Variants in CACNA2D2 observed in about 807,000 individuals in gnomAD.
CACNA2D2 encodes calcium voltage-gated channel auxiliary subunit alpha2delta 2, also known as voltage-dependent calcium channel subunit alpha-2/delta-2.
A neutral mutation model predicts 166.4 loss-of-function variants in CACNA2D2; 48 were observed. That is an observed-to-expected ratio of 0.29 (90% CI 0.23 to 0.37). The LOEUF (loss-of-function observed/expected upper bound fraction) is 0.37, where lower values mean the gene tolerates loss of function less well. Among genes scored for constraint, CACNA2D2 ranks in the 10% least tolerant of loss-of-function variants. The pLI is 1.00. For synonymous variants in CACNA2D2, 561 were observed against 573.7 expected, an observed-to-expected ratio of 0.98 and a Z score of 0.32; for missense variants, 1,122 against 1,433.0, an observed-to-expected ratio of 0.78 and a Z score of 3.50.
rs775071397 is a variant in CACNA2D2, at chr3:50,367,743, C to T, written c.2235-39G>A. On this transcript the variant is annotated intron_variant, in intron 25 of 37. Coordinates refer to ENST00000424201, the MANE Select transcript of CACNA2D2 (RefSeq NM_006030.4). This position sits in a 1 kb window ranked among gnomAD's most constrained non-coding sequence, Gnocchi z 6.5. Reference sequence around the variant, plus strand: ...GGGGGTGGGGTCACAGGCCTGCCTTCTGCTGGGCAGGTCCAGGGCCTCTGG... The same window carrying T: ...GGGGGTGGGGTCACAGGCCTGCCTTTTGCTGGGCAGGTCCAGGGCCTCTGG... 1.7e-5 allele frequency: 28 copies of T among 1,611,640 alleles called. No individual in the cohort carries two copies. The highest frequency in any genetic ancestry group is 3.3e-5 in the Admixed American group (2 of 59,938).
Position 50,380,891 on chromosome 3 carries a change from A to G in CACNA2D2, c.785-86T>C. 1 of 1,541,248 alleles carries G rather than the reference A, an allele frequency of 6.5e-7. No homozygotes were observed. The stretch of plus-strand genomic sequence containing the variant: ...CTTGCAGAGGCGACTGGGCTGCCAC[A>G]GACTACAGAGAAGCCACCCCGCCCC... On this transcript the variant is annotated intron_variant, in intron 7 of 37. Coordinates refer to ENST00000424201, the MANE Select transcript of CACNA2D2 (RefSeq NM_006030.4). The surrounding 1 kb of genome is among the most constrained non-coding windows in gnomAD (Gnocchi z 4.9).
At chr3:50,443,930 C>G (rs1236101683) in intron 2 of CACNA2D2, among the ~76,000 whole-genome samples, 1 of 152,146 alleles carries the variant, frequency 6.6e-6, no homozygotes, top group Admixed American at 6.5e-5. Context: ...TGGGTTTCAA[C>G]GGGTCATGGA....
chr3:50,500,693 G>A (rs1698926769), intron 1 of CACNA2D2, among the ~76,000 whole-genome samples: 1 of 152,004 alleles, frequency 6.6e-6, no homozygotes, highest in African/African-American at 2.4e-5. Flanking sequence ...CAAACATGTA[G>A]CCTCCTCCTT....
At chr3:50,417,635 G>GCCT (rs201351342) in intron 3 of CACNA2D2, among the ~76,000 whole-genome samples, 12 of 152,128 alleles carry the variant, frequency 7.9e-5, no homozygotes, top group South Asian at 2.1e-4. Flanking sequence ...AGGAAGGCAT[G>GCCT]CCTCCTCCTC....
chr3:50,421,881 G>A (rs1456505942), intron 3 of CACNA2D2, among the ~76,000 whole-genome samples: 1 of 152,056 alleles, frequency 6.6e-6, no homozygotes, highest in Non-Finnish European at 1.5e-5. Flanking sequence ...GCTCACTGAT[G>A]CACCCCACCA....
At chr3:50,464,826 G>A (rs1231640879) in intron 2 of CACNA2D2, among the ~76,000 whole-genome samples, 1 of 152,202 alleles carries the variant, frequency 6.6e-6, no homozygotes, top group Non-Finnish European at 1.5e-5. Flanking sequence ...CTCCTCGAAG[G>A]GAAAATACCT....
intron 1 of CACNA2D2, among the ~76,000 whole-genome samples, chr3:50,499,242 T>C (rs1358351958): frequency 6.6e-6 from 1 of 152,066 alleles, no homozygotes; most frequent in Non-Finnish European, 1.5e-5. Flanking sequence ...GATCTAAACC[T>C]GAGAAAAGAG....
chr3:50,450,107 A>T (rs886115185), intron 2 of CACNA2D2, among the ~76,000 whole-genome samples: 1 of 152,214 alleles, frequency 6.6e-6, no homozygotes, highest in Non-Finnish European at 1.5e-5. Flanking sequence ...CTCTCAGTGG[A>T]GACTTAGGCC....
chr3:50,373,718 G>A (rs907282619), intron 22 of CACNA2D2, among the ~76,000 whole-genome samples: 1 of 141,592 alleles, frequency 7.1e-6, no homozygotes, highest in African/African-American at 2.7e-5. Flanking sequence ...GGAGATGCAG[G>A]GAGAAGAGGA....
chr3:50,470,610 G>C lies in CACNA2D2; in HGVS notation c.288+5508C>G, dbSNP rs1710035093. 8.7e-5 allele frequency among the ~76,000 whole-genome samples: 10 copies of C among 115,100 alleles called. No individual in the cohort carries two copies. In the South Asian group the frequency reaches 3.1e-3, roughly 36 times the overall value. The allele number at this position is 115,100 out of a possible 152,430, so 75.5% of individuals were successfully genotyped here. A position where few individuals can be genotyped will look rare whatever the true frequency, so the allele number is the denominator to read the frequency against. On this transcript the variant is annotated intron_variant, in intron 2 of 37. Coordinates refer to ENST00000424201, the MANE Select transcript of CACNA2D2 (RefSeq NM_006030.4). ...ATGGGGGGAGGGGGCGGGGGGGGGGGGTGGTGGTCAAGATGGCAACAGCCA... is the reference window on the plus strand; with the variant it reads ...ATGGGGGGAGGGGGCGGGGGGGGGGCGTGGTGGTCAAGATGGCAACAGCCA...
chr3:50,371,907 C>CA lies in CACNA2D2; in HGVS notation c.1985-1528dup, dbSNP rs3216199. ...GTGGGGAGAAAAAGACAACTCAAGC[C>CA]AGTGGGAGTAGGGCACATCCCCCAC... On this transcript the variant is annotated intron_variant, in intron 22 of 37. Coordinates refer to ENST00000424201, the MANE Select transcript of CACNA2D2 (RefSeq NM_006030.4). Among the ~76,000 whole-genome samples the CA allele has an allele frequency of 0.053, 8,100 of 152,054 alleles. 1,534 individuals are homozygous for CA. In the East Asian group the frequency reaches 0.6, roughly 11 times the overall value.
At chr3:50,454,167 C>A (rs1348322543) in intron 2 of CACNA2D2, among the ~76,000 whole-genome samples, 1 of 152,236 alleles carries the variant, frequency 6.6e-6, no homozygotes. Context: ...CCAGAGCTGC[C>A]CCTCAGCCAG....
intron 3 of CACNA2D2, among the ~76,000 whole-genome samples, chr3:50,432,954 G>A (rs1457797652): frequency 6.6e-6 from 1 of 152,262 alleles, no homozygotes; most frequent in African/African-American, 2.4e-5. Context: ...ACCCTGGCCT[G>A]AGCCTGGGCA....
Position 50,380,732 on chromosome 3 carries a change from C to T in CACNA2D2, c.842+16G>A. The T allele has an allele frequency of 1.3e-6, 2 of 1,513,762 alleles. No homozygotes were observed. Among genetic ancestry groups the T allele is most frequent in the Non-Finnish European group, 8.8e-7 (1 of 1,130,426 alleles). The allele number at this position is 1,513,762 out of a possible 1,614,324, so 93.8% of individuals were successfully genotyped here. The stretch of plus-strand genomic sequence containing the variant: ...CTGAGGGGGTGTCCCTCCCCAGCCC[C>T]TTCTTGCTCGCTCACCAGGGTCTCC... On this transcript the variant is annotated intron_variant, in intron 8 of 37. Coordinates refer to ENST00000424201, the MANE Select transcript of CACNA2D2 (RefSeq NM_006030.4). This position sits in a 1 kb window ranked among gnomAD's most constrained non-coding sequence, Gnocchi z 4.9.
At chr3:50,433,416 G>A (rs1399435361) in intron 3 of CACNA2D2, among the ~76,000 whole-genome samples, 1 of 151,970 alleles carries the variant, frequency 6.6e-6, no homozygotes, top group African/African-American at 2.4e-5. Context: ...CTGGAGTGCA[G>A]TGGCATGATC....
chr3:50,433,189 G>C (rs1708150440), intron 3 of CACNA2D2, among the ~76,000 whole-genome samples: 2 of 152,128 alleles, frequency 1.3e-5, no homozygotes, highest in South Asian at 4.1e-4. Flanking sequence ...AGGCACCCAT[G>C]CATCTACTTT....
intron 1 of CACNA2D2, among the ~76,000 whole-genome samples, chr3:50,489,477 G>A (rs1051810583): frequency 6.6e-6 from 1 of 152,294 alleles, no homozygotes; most frequent in South Asian, 2.1e-4. Context: ...GGGGCTATGG[G>A]GCGCCAGACA....
In CACNA2D2 at chr3:50,379,085, G is replaced by A. The variant is rs774988895; in HGVS notation, c.1260+7C>T. On this transcript the variant is annotated splice_region_variant and intron_variant, in intron 12 of 37. Transcript: ENST00000424201. The surrounding 1 kb of genome is among the most constrained non-coding windows in gnomAD (Gnocchi z 6.5). Reference sequence around the variant, plus strand: ...TCAGGGTAGCCCCTGCCTCGGTTGAGCCTCACCGTCCGGTTTGGCCAATTG... The same window carrying A: ...TCAGGGTAGCCCCTGCCTCGGTTGAACCTCACCGTCCGGTTTGGCCAATTG... 7 of 1,613,452 alleles carry A rather than the reference G, an allele frequency of 4.3e-6. No individual in the cohort carries two copies. In the African/African-American group the frequency reaches 6.7e-5, roughly 15 times the overall value.
intron 2 of CACNA2D2, among the ~76,000 whole-genome samples, chr3:50,454,936 G>GC (rs1199210226): frequency 6.6e-6 from 1 of 152,072 alleles, no homozygotes; most frequent in Admixed American, 6.5e-5. Flanking sequence ...TCTGGATGGC[G>GC]CCCCCCTTGA....
Sources: allele counts gnomAD v4.1 joint callset (sites outside exome capture counted in the v4.1 genomes callset), GRCh38; gene constraint gnomAD v4.1.1; non-coding constraint Gnocchi (gnomAD v3.1); transcripts MANE v1.5; gene names NCBI Gene and HGNC (gene_info 2026-07-23, HGNC 2026-07-21).